GABRG1: variants seen among roughly 807,000 people sequenced by gnomAD.
The protein encoded by GABRG1 is gamma-aminobutyric acid type A receptor subunit gamma1.
A neutral mutation model predicts 49.8 loss-of-function variants in GABRG1; 49 were observed. The ratio of observed to expected loss-of-function variants is 0.98; its 90% CI spans 0.78 to 1.25. GABRG1 has a LOEUF of 1.25. GABRG1 is among the 50% of genes most tolerant of loss of function. GABRG1 has a pLI of 0.00. For missense variants in GABRG1, 552 were observed against 552.3 expected (o/e 1.00, Z 0.01); for synonymous variants, 232 against 185.1 (o/e 1.25, Z -2.06).
chr4:46,096,811 C>T (rs1292870044), intron 2 of GABRG1, among the ~76,000 whole-genome samples: 2 of 151,576 alleles, frequency 1.3e-5, no homozygotes, highest in Non-Finnish European at 3.0e-5. Flanking sequence ...TCTAGTCTTA[C>T]CCAGTGCAAT....
chr4:46,082,620 G>A (rs904946889), intron 3 of GABRG1, among the ~76,000 whole-genome samples: 1 of 151,738 alleles, frequency 6.6e-6, no homozygotes, highest in Non-Finnish European at 1.5e-5. Flanking sequence ...TCCTAACAAA[G>A]CTAATCAACA....
At chr4:46,043,665 A>T (rs1186169016) in intron 8 of GABRG1, among the ~76,000 whole-genome samples, 1 of 152,038 alleles carries the variant, frequency 6.6e-6, no homozygotes, top group East Asian at 1.9e-4. Context: ...ACATTAAAAA[A>T]CAAATCAGTT....
In GABRG1 at chr4:46,040,376, G is replaced by A. The variant is rs916081369; in HGVS notation, c.*612C>T. On this transcript the variant is annotated 3_prime_UTR_variant, in exon 9 of 9. Coordinates refer to ENST00000295452, the MANE Select transcript of GABRG1 (RefSeq NM_173536.4). Reference sequence around the variant, plus strand: ...TCTGTTTAATATTGTGTCAGAAAATGGACTGGATTAAAAGACAGGTAAAAA... The same window carrying A: ...TCTGTTTAATATTGTGTCAGAAAATAGACTGGATTAAAAGACAGGTAAAAA... 1.3e-5 allele frequency: 2 copies of A among 152,296 alleles called. No homozygotes were observed. The highest frequency in any genetic ancestry group is 4.8e-5 in the African/African-American group (2 of 41,514). The allele number at this position is 152,296 out of a possible 1,614,324, so 9.4% of individuals were successfully genotyped here. A position where few individuals can be genotyped will look rare whatever the true frequency, so the allele number is the denominator to read the frequency against.
At position 46,064,444 on chromosome 4, in the gene GABRG1, T is replaced by C. The variant is rs1172787298; in HGVS notation, c.622A>G (p.Ser208Gly). The stretch of plus-strand genomic sequence containing the variant: ...TATCAAGTGTTTTGTTACTTACAGC[T>C]TGAAAATTCCAGTGGACAGGAATGT... ...DEHSCPLEFSSYGYPKNEIEY... is the reference protein window; with the variant it reads ...DEHSCPLEFSGYGYPKNEIEY... Residue 208 changes from serine (S) to glycine (G), a missense_variant, in exon 5 of 9, where the codon AGC (serine) becomes GGC (glycine). Coordinates refer to ENST00000295452, the MANE Select transcript of GABRG1 (RefSeq NM_173536.4). 2 of 1,505,948 alleles carry C rather than the reference T, an allele frequency of 1.3e-6. No individual in the cohort carries two copies. Among genetic ancestry groups the C allele is most frequent in the South Asian group, 1.3e-5 (1 of 74,826 alleles). The allele number at this position is 1,505,948 out of a possible 1,614,324, so 93.3% of individuals were successfully genotyped here.
intron 8 of GABRG1, among the ~76,000 whole-genome samples, chr4:46,043,637 C>A (rs1717870573): frequency 6.6e-6 from 1 of 151,772 alleles, no homozygotes; most frequent in South Asian, 2.1e-4. Flanking sequence ...ATAGACCCTG[C>A]CTTCCCCAAA....
At chr4:46,043,851 A>G (rs540701368) in intron 8 of GABRG1, among the ~76,000 whole-genome samples, 11 of 151,956 alleles carry the variant, frequency 7.2e-5, no homozygotes, top group Non-Finnish European at 1.6e-4. Context: ...CTAGTTATAT[A>G]CTAATAAAAT....
At chr4:46,094,738 T>C (rs973638263) in intron 2 of GABRG1, among the ~76,000 whole-genome samples, 1 of 151,862 alleles carries the variant, frequency 6.6e-6, no homozygotes, top group African/African-American at 2.4e-5. Flanking sequence ...ACAAAATAAA[T>C]AATACACCCC....
chr4:46,063,201 G>T (rs918561672), intron 5 of GABRG1, among the ~76,000 whole-genome samples: 2 of 152,032 alleles, frequency 1.3e-5, no homozygotes, highest in African/African-American at 4.8e-5. Context: ...AAAAAAGCCC[G>T]CATTGCCAAG....
chr4:46,070,258 T>C (rs1271316544), intron 3 of GABRG1, among the ~76,000 whole-genome samples: 1 of 152,116 alleles, frequency 6.6e-6, no homozygotes, highest in Admixed American at 6.6e-5. Flanking sequence ...TTCTGCATCA[T>C]GCTCAATCAA....
intron 2 of GABRG1, among the ~76,000 whole-genome samples, chr4:46,090,669 A>T (rs1172227829): frequency 2.0e-5 from 3 of 151,814 alleles, no homozygotes; most frequent in Admixed American, 2.0e-4. Context: ...AATTTTTTTT[A>T]AATAAACACA....
At chr4:46,111,013 A>G (rs1053758311) in intron 1 of GABRG1, among the ~76,000 whole-genome samples, 4 of 151,196 alleles carry the variant, frequency 2.6e-5, no homozygotes, top group Non-Finnish European at 5.9e-5. Flanking sequence ...ATATGGCAAG[A>G]GAAAGAAATA....
chr4:46,075,192 CT>C (rs1174439419), intron 3 of GABRG1, among the ~76,000 whole-genome samples: 3 of 151,928 alleles, frequency 2.0e-5, no homozygotes, highest in Non-Finnish European at 4.4e-5. Context: ...CCATTGTTTA[CT>C]TTCCTTTAAT....
chr4:46,055,065 C>A (rs1352911931), intron 7 of GABRG1, among the ~76,000 whole-genome samples: 1 of 72,054 alleles, frequency 1.4e-5, no homozygotes, highest in Non-Finnish European at 2.6e-5. Context: ...GTCCAAAACA[C>A]CAAAAGCAAT....
At chr4:46,080,098 T>C (rs59609397) in intron 3 of GABRG1, among the ~76,000 whole-genome samples, 8,983 of 151,938 alleles carry the variant, frequency 0.059, 459 homozygotes, top group African/African-American at 0.13. Context: ...AATAATGTCG[T>C]TTTAGGCATT....
At chr4:46,075,762 C>A (rs1325037342) in intron 3 of GABRG1, among the ~76,000 whole-genome samples, 19 of 151,954 alleles carry the variant, frequency 1.3e-4, no homozygotes, top group Admixed American at 1.1e-3. Flanking sequence ...TTGCAGAATT[C>A]CAGGACATTT....
Position 46,050,394 on chromosome 4 carries a change from A to C in GABRG1, c.1131+1030T>G, listed in dbSNP as rs1384417033. 2.0e-5 allele frequency among the ~76,000 whole-genome samples: 3 copies of C among 151,896 alleles called. No homozygotes were observed. In the Admixed American group the frequency reaches 2.0e-4, roughly 10 times the overall value. The stretch of plus-strand genomic sequence containing the variant: ...TATAGCAGAGTTTTATAAAGAAACC[A>C]ATGAAAAAAGATTAGGGAAAAATGC... On this transcript the variant is annotated intron_variant, in intron 8 of 8. Transcript: ENST00000295452.
chr4:46,095,579 G>C (rs894920176), intron 2 of GABRG1, among the ~76,000 whole-genome samples: 3 of 151,720 alleles, frequency 2.0e-5, no homozygotes, highest in African/African-American at 4.8e-5. Context: ...TAATAGACTG[G>C]CATTAGACTT....
chr4:46,065,923 C>T (rs1238672075), intron 3 of GABRG1, among the ~76,000 whole-genome samples: 1 of 152,140 alleles, frequency 6.6e-6, no homozygotes, highest in East Asian at 2.0e-4. Flanking sequence ...GGGGTTTCAC[C>T]GTGTTAGCCA....
rs1171757281 is a variant in GABRG1, at chr4:46,037,930, G to A, written c.*3058C>T. On this transcript the variant is annotated 3_prime_UTR_variant, in exon 9 of 9. Transcript: ENST00000295452. ...AGATTTCAATTTTATTCTTGTTCTT[G>A]AGACAAAAACATTGTCTATTTTATG... The A allele has an allele frequency of 6.6e-6, 1 of 151,452 alleles. No individual in the cohort carries two copies. Among genetic ancestry groups the A allele is most frequent in the Non-Finnish European group, 1.5e-5 (1 of 67,668 alleles). The allele number at this position is 151,452 out of a possible 1,614,324, so 9.4% of individuals were successfully genotyped here. A position where few individuals can be genotyped will look rare whatever the true frequency, so the allele number is the denominator to read the frequency against.
Sources: allele counts gnomAD v4.1 joint callset (sites outside exome capture counted in the v4.1 genomes callset), GRCh38; gene constraint gnomAD v4.1.1; transcripts MANE v1.5; gene names NCBI Gene and HGNC (gene_info 2026-07-23, HGNC 2026-07-21).